Variants in GPD2 observed in about 807,000 individuals in gnomAD.
The protein encoded by GPD2 is glycerol-3-phosphate dehydrogenase, mitochondrial.
GPD2 carries 54 observed loss-of-function variants against 82.4 expected under a neutral mutation model. That is an observed-to-expected ratio of 0.66 (90% CI 0.53 to 0.82). GPD2 has a LOEUF of 0.82. Ranked by LOEUF, GPD2 falls within the 40% of genes least tolerant of loss-of-function variation. The pLI is 0.00. For synonymous variants in GPD2, 288 were observed against 306.1 expected, an observed-to-expected ratio of 0.94 and a Z score of 0.62; for missense variants, 748 against 896.2, an observed-to-expected ratio of 0.83 and a Z score of 2.11.
the GPD2 span, among the ~76,000 whole-genome samples, chr2:156,422,396 C>T: frequency 6.6e-6 from 1 of 152,026 alleles, no homozygotes; most frequent in Non-Finnish European, 1.5e-5. Flanking sequence ...GTTGAATAGG[C>T]AGTAAGCAGA....
chr2:156,433,383 G>A (rs1046868637), upstream of GPD2, among the ~76,000 whole-genome samples: 2 of 152,026 alleles, frequency 1.3e-5, no homozygotes, highest in Non-Finnish European at 1.5e-5. Context: ...GGATCAGCTG[G>A]TACCACCTAG....
intron 6 of GPD2, among the ~76,000 whole-genome samples, chr2:156,546,337 C>T (rs1686533527): frequency 6.6e-6 from 1 of 152,120 alleles, no homozygotes; most frequent in Non-Finnish European, 1.5e-5. Flanking sequence ...ATTCCAATGG[C>T]ATGCAGTGTT....
At chr2:156,490,005 A>C (rs910167048) in intron 2 of GPD2, among the ~76,000 whole-genome samples, 1 of 150,972 alleles carries the variant, frequency 6.6e-6, no homozygotes, top group Non-Finnish European at 1.5e-5. Context: ...GCCTATGGCC[A>C]TTCCAAGGCT....
At chr2:156,565,890 T>G (rs1687370762) in intron 9 of GPD2, among the ~76,000 whole-genome samples, 2 of 152,118 alleles carry the variant, frequency 1.3e-5, no homozygotes, top group Non-Finnish European at 2.9e-5. Flanking sequence ...CAAGGAGTCT[T>G]TGTGACTTTT....
intron 1 of GPD2, among the ~76,000 whole-genome samples, chr2:156,450,687 C>CTTTTTA (rs1382838048): frequency 5.5e-5 from 5 of 91,036 alleles, no homozygotes; most frequent in East Asian, 3.2e-4. Context: ...TTTTTTATTG[C>CTTTTTA]TCATTCTTGG....
chr2:156,463,459 T>G (rs1162906831), intron 1 of GPD2, among the ~76,000 whole-genome samples: 1 of 152,200 alleles, frequency 6.6e-6, no homozygotes, highest in African/African-American at 2.4e-5. Flanking sequence ...AATAGGACAT[T>G]AAGATAATGC....
chr2:156,401,090 T>C, the GPD2 span, among the ~76,000 whole-genome samples: 99 of 152,208 alleles, frequency 6.5e-4, no homozygotes, highest in Non-Finnish European at 1.3e-3. Context: ...GGCCCTGTTA[T>C]TGAACTTTGA....
intron 6 of GPD2, among the ~76,000 whole-genome samples, chr2:156,531,733 C>T (rs1389191561): frequency 6.6e-6 from 1 of 152,152 alleles, no homozygotes; most frequent in Non-Finnish European, 1.5e-5. Context: ...CCTTCTCAGT[C>T]CCAGAATGGT....
At chr2:156,482,782 C>T (rs1437602966) in intron 2 of GPD2, among the ~76,000 whole-genome samples, 3 of 152,004 alleles carry the variant, frequency 2.0e-5, no homozygotes, top group Non-Finnish European at 4.4e-5. Context: ...CTATAGTTCA[C>T]TCTGTTATAT....
the GPD2 span, among the ~76,000 whole-genome samples, chr2:156,406,664 A>G: frequency 6.6e-6 from 1 of 152,146 alleles, no homozygotes; most frequent in Admixed American, 6.5e-5. Flanking sequence ...TTTTAAATCC[A>G]TACAGAGTCC....
intron 9 of GPD2, among the ~76,000 whole-genome samples, chr2:156,559,494 C>T (rs967592683): frequency 6.6e-6 from 1 of 152,170 alleles, no homozygotes; most frequent in Non-Finnish European, 1.5e-5. Context: ...CTGAATGCAA[C>T]TCACTAGCAT....
At chr2:156,439,826 G>A (rs1443648990) in intron 1 of GPD2, among the ~76,000 whole-genome samples, 2 of 147,122 alleles carry the variant, frequency 1.4e-5, no homozygotes, top group Admixed American at 6.9e-5. Flanking sequence ...CAGCCTGGGC[G>A]ACAGAAGGAG....
chr2:156,445,144 T>G (rs895995546), intron 1 of GPD2, among the ~76,000 whole-genome samples: 2 of 152,238 alleles, frequency 1.3e-5, no homozygotes, highest in African/African-American at 4.8e-5. Flanking sequence ...AAGTATTTAT[T>G]AAGCAGTTGC....
intron 9 of GPD2, among the ~76,000 whole-genome samples, chr2:156,561,040 C>CTTTGTTTTTTTTTTTT (rs1687149294): frequency 3.6e-5 from 1 of 27,624 alleles, no homozygotes; most frequent in Non-Finnish European, 6.0e-5. Context: ...TGACATTAAG[C>CTTTGTTTTTTTTTTTT]TTTTTTTTTT....
At chr2:156,553,254 G>A (rs1558957943) in intron 8 of GPD2, among the ~76,000 whole-genome samples, 1 of 151,964 alleles carries the variant, frequency 6.6e-6, no homozygotes, top group African/African-American at 2.4e-5. Flanking sequence ...TTTTTTCTCT[G>A]TTTTATAGAG....
At chr2:156,413,098 G>A in the GPD2 span, among the ~76,000 whole-genome samples, 4 of 151,332 alleles carry the variant, frequency 2.6e-5, no homozygotes, top group Non-Finnish European at 5.9e-5. Context: ...CACTGTCTGA[G>A]GGTGGGTGGA....
the GPD2 span, among the ~76,000 whole-genome samples, chr2:156,402,174 G>A: frequency 6.6e-6 from 1 of 152,164 alleles, no homozygotes; most frequent in Non-Finnish European, 1.5e-5. Context: ...AGCACTGCCC[G>A]TTCAGCCTAC....
chr2:156,461,885 C>T (rs931758998), intron 1 of GPD2, among the ~76,000 whole-genome samples: 1 of 152,212 alleles, frequency 6.6e-6, no homozygotes, highest in Non-Finnish European at 1.5e-5. Flanking sequence ...GTTACCTGAA[C>T]CAATGCTCCT....
At chr2:156,415,390 C>T in the GPD2 span, among the ~76,000 whole-genome samples, 26 of 151,996 alleles carry the variant, frequency 1.7e-4, no homozygotes, top group Admixed American at 1.6e-3. Context: ...GATCTCTTGA[C>T]CTCGTGATCC....
Sources: allele counts gnomAD v4.1 joint callset (sites outside exome capture counted in the v4.1 genomes callset), GRCh38; gene constraint gnomAD v4.1.1; transcripts MANE v1.5; gene names NCBI Gene and HGNC (gene_info 2026-07-23, HGNC 2026-07-21).